ARHGAP44: variants seen among roughly 807,000 people sequenced by gnomAD.
ARHGAP44 encodes rho GTPase-activating protein 44.
A neutral mutation model predicts 106.8 loss-of-function variants in ARHGAP44; 43 were observed. That is an observed-to-expected ratio of 0.40 (90% CI 0.32 to 0.52). The LOEUF (loss-of-function observed/expected upper bound fraction) is 0.52, where lower values mean the gene tolerates loss of function less well. Among genes scored for constraint, ARHGAP44 ranks in the 20% least tolerant of loss-of-function variants. The pLI, the probability that ARHGAP44 is intolerant of heterozygous loss-of-function variation, is 0.48. For missense variants in ARHGAP44, 866 were observed against 1,050.5 expected (o/e 0.82, Z 2.43); for synonymous variants, 439 against 410.3 (o/e 1.07, Z -0.85).
At chr17:12,944,809 TCTC>T (rs1467211442) in intron 10 of ARHGAP44, among the ~76,000 whole-genome samples, 1 of 151,694 alleles carries the variant, frequency 6.6e-6, no homozygotes, top group Non-Finnish European at 1.5e-5. Flanking sequence ...TACTACTCCT[TCTC>T]CTTTCTCCTC....
At chr17:12,987,038 TGTGA>T in intron 20 of ARHGAP44, 1 of 1,191,250 alleles carries the variant, frequency 8.4e-7, no homozygotes, top group South Asian at 1.7e-5. Context: ...TTTTTTTTTT[TGTGA>T]CGTTCATGTT....
In ARHGAP44 at chr17:12,980,138, G is replaced by T. The variant is rs761844268; in HGVS notation, c.1844G>T (p.Gly615Val). The change falls in exon 19 of 21, where the codon GGG becomes GTG. Residue 615 changes from glycine (G) to valine (V), a missense_variant. Gly to Val is a moderately radical substitution (Grantham distance 109). Transcript: ENST00000379672. ...PGSSQGTACA[G>V]TQPGAQPGAQ... ...TCCAGCCAGGGCACAGCCTGTGCAG[G>T]GACTCAACCAGGGGCTCAACCTGGA... 3 of 1,613,956 alleles carry T rather than the reference G, an allele frequency of 1.9e-6. No individual in the cohort carries two copies. The highest frequency in any genetic ancestry group is 2.2e-5 in the East Asian group (1 of 44,868).
At chr17:12,981,307 G>A (rs953113840) in intron 19 of ARHGAP44, among the ~76,000 whole-genome samples, 1 of 152,140 alleles carries the variant, frequency 6.6e-6, no homozygotes, top group Non-Finnish European at 1.5e-5. Context: ...TAGGAGTTGG[G>A]CCAAAGTGCC....
At chr17:12,936,178 A>G (rs1467246923) in intron 7 of ARHGAP44, among the ~76,000 whole-genome samples, 1 of 152,196 alleles carries the variant, frequency 6.6e-6, no homozygotes, top group African/African-American at 2.4e-5. Flanking sequence ...GTCTGTTACA[A>G]TTGATGAACC....
chr17:12,919,008 A>G (rs2037995988), intron 5 of ARHGAP44, among the ~76,000 whole-genome samples: 1 of 152,250 alleles, frequency 6.6e-6, no homozygotes, highest in East Asian at 1.9e-4. Context: ...GATGTTGGTC[A>G]AAGGGTACAA....
chr17:12,954,077 T>C (rs2039066134), intron 13 of ARHGAP44, among the ~76,000 whole-genome samples: 1 of 150,774 alleles, frequency 6.6e-6, no homozygotes, highest in Admixed American at 6.6e-5. Context: ...TTTTTTTTTT[T>C]AGTAGAGACG....
At chr17:12,887,241 A>G (rs1051625126) in intron 1 of ARHGAP44, among the ~76,000 whole-genome samples, 3 of 152,096 alleles carry the variant, frequency 2.0e-5, no homozygotes, top group Admixed American at 6.6e-5. Context: ...AGATTGATTG[A>G]CTGATTGACA....
At chr17:12,847,512 C>T (rs374740472) in intron 1 of ARHGAP44, among the ~76,000 whole-genome samples, 22,419 of 125,368 alleles carry the variant, frequency 0.18, 2,576 homozygotes, top group African/African-American at 0.33. Context: ...TACCATCACT[C>T]TTTTTTTTTT....
chr17:12,857,739 C>G (rs150979171), intron 1 of ARHGAP44, among the ~76,000 whole-genome samples: 10 of 151,570 alleles, frequency 6.6e-5, no homozygotes, highest in African/African-American at 2.4e-4. Flanking sequence ...CCAACCACCA[C>G]AAACTTTATT....
At chr17:12,881,556 C>T (rs2036738779) in intron 1 of ARHGAP44, among the ~76,000 whole-genome samples, 1 of 152,094 alleles carries the variant, frequency 6.6e-6, no homozygotes, top group African/African-American at 2.4e-5. Flanking sequence ...TGATATAATA[C>T]TTTCTTAATT....
chr17:12,895,780 C>T (rs1299369730), intron 2 of ARHGAP44, among the ~76,000 whole-genome samples: 1 of 152,100 alleles, frequency 6.6e-6, no homozygotes, highest in African/African-American at 2.4e-5. Context: ...ATAAATCATG[C>T]TGCTATAAAG....
intron 18 of ARHGAP44, 27 bp downstream of exon 18, chr17:12,974,337 C>T (rs1431736611): frequency 2.2e-6 from 3 of 1,383,756 alleles, no homozygotes. Context: ...GCCGTCCGGG[C>T]GGGCTGGTGT....
chr17:12,797,679 C>T (rs141712927), intron 1 of ARHGAP44, among the ~76,000 whole-genome samples: 22 of 152,296 alleles, frequency 1.4e-4, no homozygotes, highest in African/African-American at 4.1e-4. Flanking sequence ...CACAGTTAAC[C>T]TCCAAATTGC....
chr17:12,809,187 A>G (rs1305678514), intron 1 of ARHGAP44, among the ~76,000 whole-genome samples: 2 of 152,178 alleles, frequency 1.3e-5, no homozygotes. Context: ...GGAAGTTCCA[A>G]ACTTTCCCAC....
Position 12,991,011 on chromosome 17 carries a change from T to C in ARHGAP44, c.*840T>C, listed in dbSNP as rs138775581. ...TCTGTGGGGTCCTGGAGCCTGTCTC[T>C]TCTTTCTGGAGGTTCAAACTGAATA... is the stretch of plus-strand genomic sequence containing the variant. On this transcript the variant is annotated 3_prime_UTR_variant, in exon 21 of 21. Transcript: ENST00000379672. The C allele has an allele frequency of 6.5e-6, 1 of 152,738 alleles. No homozygotes were observed. The highest frequency in any genetic ancestry group is 1.9e-4 in the East Asian group (1 of 5,172). The allele number at this position is 152,738 out of a possible 1,614,324, so 9.5% of individuals were successfully genotyped here. A position where few individuals can be genotyped will look rare whatever the true frequency, so the allele number is the denominator to read the frequency against.
chr17:12,848,714 A>T (rs2035642401), intron 1 of ARHGAP44, among the ~76,000 whole-genome samples: 1 of 152,166 alleles, frequency 6.6e-6, no homozygotes, highest in Admixed American at 6.5e-5. Context: ...TTTGGACAGT[A>T]TCATACATTC....
chr17:12,948,744 ACACACACC>A (rs2038919598), intron 10 of ARHGAP44, among the ~76,000 whole-genome samples: 3 of 151,508 alleles, frequency 2.0e-5, no homozygotes, highest in South Asian at 4.2e-4. Flanking sequence ...ACACACACAC[ACACACACC>A]CCCTGTAGAC....
At chr17:12,954,349 A>G (rs953688339) in intron 13 of ARHGAP44, among the ~76,000 whole-genome samples, 7 of 152,234 alleles carry the variant, frequency 4.6e-5, no homozygotes, top group Non-Finnish European at 7.3e-5. Context: ...TTGTACGTAT[A>G]TTACAAATCA....
At chr17:12,895,071 T>A in intron 2 of ARHGAP44, 92 bp downstream of exon 2, 1 of 1,266,116 alleles carries the variant, frequency 7.9e-7, no homozygotes, top group Non-Finnish European at 1.1e-6. Context: ...GTGGAGGTTG[T>A]AGTTAGCCGG....
Sources: allele counts gnomAD v4.1 joint callset (sites outside exome capture counted in the v4.1 genomes callset), GRCh38; gene constraint gnomAD v4.1.1; transcripts MANE v1.5; gene names NCBI Gene and HGNC (gene_info 2026-07-23, HGNC 2026-07-21).